The following TMEM154 variants were observed in gnomAD, a reference collection of about 807,000 sequenced individuals.
TMEM154 encodes transmembrane protein 154.
Under a neutral mutation model 24.5 loss-of-function variants are expected in TMEM154, and 27 were observed. The observed-to-expected ratio is 1.10, with a 90% CI of 0.81 to 1.52. The LOEUF (loss-of-function observed/expected upper bound fraction) is 1.52. TMEM154 is among the 40% of genes most tolerant of loss of function. TMEM154 has a pLI of 0.00. For synonymous variants in TMEM154, 67 were observed against 76.8 expected, an observed-to-expected ratio of 0.87 and a Z score of 0.67; for missense variants, 228 against 213.4, an observed-to-expected ratio of 1.07 and a Z score of -0.43.
At chr4:152,660,378 C>T (rs74427439) in intron 1 of TMEM154, among the ~76,000 whole-genome samples, 6,750 of 150,852 alleles carry the variant, frequency 0.045, 192 homozygotes, top group East Asian at 0.07. Context: ...CAGACCCCGC[C>T]CCCCCCTCAC....
At chr4:152,654,998 G>A (rs549443925) in intron 1 of TMEM154, among the ~76,000 whole-genome samples, 1 of 151,864 alleles carries the variant, frequency 6.6e-6, no homozygotes, top group South Asian at 2.1e-4. Context: ...ACTCACTGGT[G>A]TTTCTCATGT....
chr4:152,675,175 AAAG>A (rs1339587191), intron 1 of TMEM154, among the ~76,000 whole-genome samples: 1 of 151,582 alleles, frequency 6.6e-6, no homozygotes, highest in African/African-American at 2.4e-5. Context: ...AAAAAAAAAA[AAAG>A]AATGTGAGGC....
intron 1 of TMEM154, among the ~76,000 whole-genome samples, chr4:152,653,390 A>ATT (rs56224803): frequency 0.42 from 59,436 of 141,732 alleles, 12,732 homozygotes; most frequent in Admixed American, 0.51. Context: ...CTGTGTCCTA[A>ATT]TTTTTTTTTT....
chr4:152,649,036 C>T lies in TMEM154; in HGVS notation c.364+3502G>A, dbSNP rs572679078. Among the ~76,000 whole-genome samples, 5 of 152,300 alleles carry T rather than the reference C, an allele frequency of 3.3e-5. No individual in the cohort carries two copies. The South Asian group carries it at 1.0e-3, about 32-fold the overall frequency. ...TTGGAATCTATTATATGGGCCTCTG[C>T]CATGAAAGGAAATACTCTTCGGGGC... On this transcript the variant is annotated intron_variant, in intron 3 of 6. Transcript: ENST00000304385.
chr4:152,669,745 TAC>T (rs368999697), intron 1 of TMEM154: 439 of 152,348 alleles, frequency 2.9e-3, no homozygotes, highest in African/African-American at 0.01. Flanking sequence ...TTCTGAAAAT[TAC>T]AGTGTAGTGT....
At chr4:152,658,389 G>A (rs1030886111) in intron 1 of TMEM154, among the ~76,000 whole-genome samples, 1 of 151,944 alleles carries the variant, frequency 6.6e-6, no homozygotes, top group Non-Finnish European at 1.5e-5. Context: ...AACTAGAAAA[G>A]CAAGAGCAAA....
chr4:152,634,162 C>T (rs1490157071), intron 6 of TMEM154, among the ~76,000 whole-genome samples: 2 of 151,262 alleles, frequency 1.3e-5, no homozygotes, highest in Admixed American at 1.3e-4. Context: ...TTTAAGAAGG[C>T]ATGTAATGGG....
intron 1 of TMEM154, among the ~76,000 whole-genome samples, chr4:152,665,771 G>C (rs946005719): frequency 1.3e-5 from 2 of 151,544 alleles, no homozygotes; most frequent in South Asian, 4.2e-4. Flanking sequence ...AGGTCTGGGA[G>C]GGGGCCCAAG....
intron 5 of TMEM154, 108 bp downstream of exon 5, chr4:152,642,980 T>C (rs1322895961): frequency 5.0e-6 from 4 of 800,260 alleles, no homozygotes; most frequent in African/African-American, 3.5e-5. Context: ...TAATGTGGGA[T>C]TGGGTTCTTC....
chr4:152,651,184 AT>A (rs36036886), intron 3 of TMEM154, among the ~76,000 whole-genome samples: 12,720 of 145,038 alleles, frequency 0.088, 572 homozygotes, highest in African/African-American at 0.13. Context: ...CCTAGATGGC[AT>A]TTTTTTTTTT....
intron 1 of TMEM154, among the ~76,000 whole-genome samples, chr4:152,664,907 C>G (rs1728686114): frequency 6.6e-6 from 1 of 151,750 alleles, no homozygotes; most frequent in African/African-American, 2.4e-5. Flanking sequence ...CACCCAAAAG[C>G]CTGACTCCTT....
At position 152,628,575 on chromosome 4, in the gene TMEM154, A is replaced by AC. The variant is rs781377465; in HGVS notation, c.537-15_537-14insG. ...GATTCACTGTCACTGTAAAAAAAAA[A>AC]AAAAAAAAAAAAAAAAACAAAAAAA... On this transcript the variant is annotated splice_polypyrimidine_tract_variant and intron_variant, in intron 6 of 6. Coordinates refer to ENST00000304385, the MANE Select transcript of TMEM154 (RefSeq NM_152680.3). 3.9e-6 allele frequency: 5 copies of AC among 1,269,602 alleles called. No individual in the cohort carries two copies. In the African/African-American group the frequency reaches 8.9e-5, roughly 23 times the overall value. The allele number at this position is 1,269,602 out of a possible 1,614,324, so 78.6% of individuals were successfully genotyped here. A position where few individuals can be genotyped will look rare whatever the true frequency, so the allele number is the denominator to read the frequency against.
chr4:152,654,778 C>T (rs1728458325), intron 1 of TMEM154, among the ~76,000 whole-genome samples: 1 of 152,204 alleles, frequency 6.6e-6, no homozygotes, highest in Non-Finnish European at 1.5e-5. Flanking sequence ...ACTTCCCAGC[C>T]TCCAGAACTG....
At position 152,623,270 on chromosome 4, in the gene TMEM154, A is replaced by G. The variant is rs1751869385; in HGVS notation, c.*5276T>C. 1.3e-5 allele frequency: 2 copies of G among 152,190 alleles called. No individual in the cohort carries two copies. Among genetic ancestry groups the G allele is most frequent in the Admixed American group, 1.3e-4 (2 of 15,284 alleles). 9.4% of individuals were successfully genotyped at this position (152,190 alleles called of 1,614,324 possible). A position where few individuals can be genotyped will look rare whatever the true frequency, so the allele number is the denominator to read the frequency against. On this transcript the variant is annotated 3_prime_UTR_variant, in exon 7 of 7. Transcript: ENST00000304385. ...TCACTTGTAAAACAAAAGAAAGTCA[A>G]ACACAGTGTTTTTTTTTTTTACATA...
intron 1 of TMEM154, among the ~76,000 whole-genome samples, chr4:152,661,278 TTCTCTTTCTCTCTCTCTC>T (rs1263084204): frequency 7.6e-5 from 5 of 65,696 alleles, no homozygotes; most frequent in African/African-American, 2.5e-4. Flanking sequence ...CAAGGGATTG[TTCTCTTTCTCTCTCTCTC>T]TCTCTCTCTC....
intron 6 of TMEM154, among the ~76,000 whole-genome samples, chr4:152,635,321 T>C (rs1174755494): frequency 1.3e-5 from 2 of 152,220 alleles, no homozygotes; most frequent in African/African-American, 4.8e-5. Flanking sequence ...TATCTCTTAT[T>C]TTAACAAAAT....
intron 1 of TMEM154, among the ~76,000 whole-genome samples, chr4:152,666,215 C>T (rs1368908200): frequency 1.3e-5 from 2 of 152,210 alleles, no homozygotes; most frequent in Non-Finnish European, 2.9e-5. Context: ...TTGTTGTTCT[C>T]CACATTTGCT....
chr4:152,646,640 C>T (rs1728244562), intron 3 of TMEM154: 1 of 303,698 alleles, frequency 3.3e-6, no homozygotes, highest in Non-Finnish European at 6.1e-6. Context: ...AACAATCCTT[C>T]CATTTCATCT....
chr4:152,675,803 A>T (rs1478993621), intron 1 of TMEM154, among the ~76,000 whole-genome samples: 2 of 152,226 alleles, frequency 1.3e-5, no homozygotes, highest in Non-Finnish European at 2.9e-5. Context: ...TGAGAGTGGT[A>T]CAAACTACAT....
Sources: gnomAD v4.1 joint callset for allele counts (sites outside exome capture counted in the v4.1 genomes callset) on GRCh38, gnomAD v4.1.1 for gene constraint, MANE v1.5 for transcripts, NCBI Gene and HGNC (gene_info 2026-07-23, HGNC 2026-07-21) for gene names.